The following UMAD1 variants were observed in gnomAD, a reference collection of about 807,000 sequenced individuals.
UMAD1 encodes UBAP1-MVB12-associated (UMA)-domain containing protein 1.
UMAD1 carries 8 observed loss-of-function variants against 6.1 expected under a neutral mutation model. That is an observed-to-expected ratio of 1.30 (90% CI 0.76 to 2.35). The LOEUF (loss-of-function observed/expected upper bound fraction) is 2.35. Among genes scored for constraint, UMAD1 ranks in the 30% most tolerant of loss-of-function variants. The pLI is 0.00. For synonymous variants in UMAD1, 56 were observed against 31.4 expected, an observed-to-expected ratio of 1.78 and a Z score of -2.61; for missense variants, 130 against 78.4, an observed-to-expected ratio of 1.66 and a Z score of -2.49.
Position 7,733,575 on chromosome 7 carries a change from T to C in UMAD1, c.82+60122T>C, listed in dbSNP as rs1197083078. ...GAAAACATTAGCAATATATGGTAGT[T>C]ATGACTTTGCCATCTAGTATGTCAC... On this transcript the variant is annotated intron_variant, in intron 2 of 3. Coordinates refer to ENST00000682710, the MANE Select transcript of UMAD1 (RefSeq NM_001302348.2). 2.0e-5 allele frequency among the ~76,000 whole-genome samples: 3 copies of C among 147,520 alleles called. No individual in the cohort carries two copies. In the South Asian group the frequency reaches 6.8e-4, roughly 34 times the overall value.
intron 1 of UMAD1, among the ~76,000 whole-genome samples, chr7:7,649,171 A>G (rs1187275077): frequency 2.8e-5 from 4 of 141,992 alleles, no homozygotes; most frequent in Admixed American, 7.2e-5. Context: ...AAAAAAAAAA[A>G]AAAAAAAAGA....
At position 7,712,285 on chromosome 7, in the gene UMAD1, C is replaced by T. The variant is rs374685947; in HGVS notation, c.82+38832C>T. On this transcript the variant is annotated intron_variant, in intron 2 of 3. Coordinates refer to ENST00000682710, the MANE Select transcript of UMAD1 (RefSeq NM_001302348.2). ...TGATTTTTGTTGAAATTTTATTGAA[C>T]ATATAGATTAATTTAGGGGAGAATT... is the stretch of plus-strand genomic sequence containing the variant. Among the ~76,000 whole-genome samples, 4 of 152,174 alleles carry T rather than the reference C, an allele frequency of 2.6e-5. No individual in the cohort carries two copies. In the East Asian group the frequency reaches 5.8e-4, roughly 22 times the overall value.
At chr7:7,678,839 A>G (rs1427626022) in intron 2 of UMAD1, among the ~76,000 whole-genome samples, 3 of 25,998 alleles carry the variant, frequency 1.2e-4, no homozygotes, top group African/African-American at 5.7e-4. Flanking sequence ...ATATATTTAT[A>G]TATTTAGTTT....
intron 3 of UMAD1, among the ~76,000 whole-genome samples, chr7:7,822,546 A>T (rs2115297452): frequency 6.6e-6 from 1 of 152,220 alleles, no homozygotes; most frequent in African/African-American, 2.4e-5. Flanking sequence ...TGCAAGGTGG[A>T]GGTCTATATC....
chr7:7,860,604 CAAAAAAAAA>C (rs373823869), intron 3 of UMAD1, among the ~76,000 whole-genome samples: 2 of 93,862 alleles, frequency 2.1e-5, no homozygotes, highest in Admixed American at 2.6e-4. Context: ...ACTAAAAATA[CAAAAAAAAA>C]AAAAAAAAAA....
intron 2 of UMAD1, among the ~76,000 whole-genome samples, chr7:7,719,629 A>G (rs921344164): frequency 6.7e-6 from 1 of 149,164 alleles, no homozygotes; most frequent in Admixed American, 6.7e-5. Context: ...ATAGACAGCC[A>G]TGGAAAGTAG....
chr7:7,777,122 CAGTT>C (rs1283413070), intron 2 of UMAD1, among the ~76,000 whole-genome samples: 5 of 152,058 alleles, frequency 3.3e-5, no homozygotes, highest in South Asian at 4.1e-4. Flanking sequence ...TTTCTTTTGA[CAGTT>C]AGTATTGTAT....
At chr7:7,707,763 T>G (rs562710596) in intron 2 of UMAD1, among the ~76,000 whole-genome samples, 5 of 152,350 alleles carry the variant, frequency 3.3e-5, no homozygotes, top group African/African-American at 1.2e-4. Flanking sequence ...TGGGCATTTG[T>G]AGTCCTTTTC....
chr7:7,644,894 G>A (rs1785060934), intron 1 of UMAD1, among the ~76,000 whole-genome samples: 1 of 152,114 alleles, frequency 6.6e-6, no homozygotes, highest in African/African-American at 2.4e-5. Flanking sequence ...TGTATCCTTG[G>A]ATGTATTTCA....
At chr7:7,679,801 G>A (rs183448329) in intron 2 of UMAD1, among the ~76,000 whole-genome samples, 2 of 150,454 alleles carry the variant, frequency 1.3e-5, no homozygotes, top group East Asian at 3.9e-4. Context: ...TTAGGCTCAA[G>A]CCATCTTCCT....
At chr7:7,709,702 T>A (rs1396208209) in intron 2 of UMAD1, among the ~76,000 whole-genome samples, 5 of 152,244 alleles carry the variant, frequency 3.3e-5, no homozygotes, top group African/African-American at 1.2e-4. Flanking sequence ...GAGGGTAAGA[T>A]CTTTAAAGTG....
chr7:7,786,915 C>T (rs950430959), intron 2 of UMAD1, among the ~76,000 whole-genome samples: 8 of 152,114 alleles, frequency 5.3e-5, no homozygotes, highest in Admixed American at 3.9e-4. Flanking sequence ...TGAGTGAAGC[C>T]GCTACTCTTA....
intron 1 of UMAD1, among the ~76,000 whole-genome samples, chr7:7,665,770 A>C (rs1191772174): frequency 6.6e-6 from 1 of 151,606 alleles, no homozygotes; most frequent in South Asian, 2.1e-4. Flanking sequence ...AGAAGCTTAT[A>C]TAAATGGAAT....
At chr7:7,667,765 A>C (rs1190897509) in intron 1 of UMAD1, among the ~76,000 whole-genome samples, 2 of 152,244 alleles carry the variant, frequency 1.3e-5, no homozygotes, top group Non-Finnish European at 2.9e-5. Flanking sequence ...TATATTAAAG[A>C]AAGTCCAACA....
At chr7:7,828,752 TCC>T (rs1783399896) in intron 3 of UMAD1, among the ~76,000 whole-genome samples, 4 of 152,056 alleles carry the variant, frequency 2.6e-5, no homozygotes, top group Non-Finnish European at 5.9e-5. Context: ...GTGCTCCTCC[TCC>T]TCCTCCTCAA....
intron 2 of UMAD1, among the ~76,000 whole-genome samples, chr7:7,769,128 A>G (rs1438265047): frequency 1.3e-5 from 2 of 152,118 alleles, no homozygotes; most frequent in Non-Finnish European, 1.5e-5. Context: ...TTTGGCTGCA[A>G]TTTGCACATT....
At chr7:7,861,693 T>C (rs920743195) in intron 3 of UMAD1, among the ~76,000 whole-genome samples, 5 of 152,216 alleles carry the variant, frequency 3.3e-5, no homozygotes. Flanking sequence ...TGTTTCCAAG[T>C]ATGTGGATTA....
intron 1 of UMAD1, among the ~76,000 whole-genome samples, chr7:7,654,347 C>T (rs1462332494): frequency 1.3e-5 from 2 of 152,130 alleles, no homozygotes; most frequent in African/African-American, 4.8e-5. Flanking sequence ...AGGTTCTGTT[C>T]TAAAATTTTC....
chr7:7,731,295 C>T (rs1781246830), intron 2 of UMAD1, among the ~76,000 whole-genome samples: 1 of 152,072 alleles, frequency 6.6e-6, no homozygotes, highest in Admixed American at 6.5e-5. Flanking sequence ...CCACTGCACC[C>T]GGCCTCAAAT....
Sources: gnomAD v4.1 joint callset for allele counts (sites outside exome capture counted in the v4.1 genomes callset) on GRCh38, gnomAD v4.1.1 for gene constraint, MANE v1.5 for transcripts, NCBI Gene and HGNC (gene_info 2026-07-23, HGNC 2026-07-21) for gene names.